Variants in TP53BP1 observed in about 807,000 individuals in gnomAD.
TP53BP1 encodes TP53-binding protein 1.
TP53BP1 carries 61 observed loss-of-function variants against 200.8 expected under a neutral mutation model. The ratio of observed to expected loss-of-function variants is 0.30; its 90% confidence interval spans 0.25 to 0.38. The LOEUF is 0.38. TP53BP1 is among the 10% of genes least tolerant of loss of function. The probability of loss-of-function intolerance (pLI) is 1.00; values close to 1 mark genes in which losing one functional copy is unlikely to be tolerated. For missense variants in TP53BP1, 2,144 were observed against 2,371.9 expected (o/e 0.90, Z 2.00); for synonymous variants, 822 against 844.3 (o/e 0.97, Z 0.46).
intron 16 of TP53BP1, among the ~76,000 whole-genome samples, chr15:43,434,791 G>A (rs957349761): frequency 6.6e-6 from 1 of 152,184 alleles, no homozygotes; most frequent in South Asian, 2.1e-4. Context: ...GCAGCCCAAA[G>A]AGACTAAGAC....
intron 27 of TP53BP1, 27 bp from the exon 28 acceptor site, chr15:43,407,597 A>G (rs112801645): frequency 2.5e-6 from 4 of 1,592,530 alleles, no homozygotes; most frequent in Non-Finnish European, 2.6e-6. Flanking sequence ...AAAGTGAAGA[A>G]GGAAAGGACA....
chr15:43,480,806 C>A, intron 5 of TP53BP1, 89 bp downstream of exon 5: 1 of 1,414,748 alleles, frequency 7.1e-7, no homozygotes, highest in South Asian at 1.3e-5. Context: ...AATCTGCAAC[C>A]TAATAAAGAG....
Position 43,475,685 on chromosome 15 carries a change from T to C in TP53BP1, c.965A>G (p.Asp322Gly), listed in dbSNP as rs757544095. The C allele has an allele frequency of 5.6e-6, 9 of 1,613,614 alleles. No individual in the cohort carries two copies. The East Asian group carries it at 1.8e-4, about 32-fold the overall frequency. ...FDQSNKTVSSDGCSTPSREEG... is the reference protein window; with the variant it reads ...FDQSNKTVSSGGCSTPSREEG... ...CTCCCTTGAAGGAGTAGAGCAACCA[T>C]CAGAAGATACTGAAAAAAAGAAATT... Residue 322 changes from aspartate to glycine, a missense_variant, in exon 9 of 28, where the codon GAT (aspartate) becomes GGT (glycine). Physicochemically the swap from Asp to Gly is moderately conservative, Grantham distance 94. Coordinates refer to ENST00000382044, the MANE Select transcript of TP53BP1 (RefSeq NM_001141980.3).
intron 16 of TP53BP1, among the ~76,000 whole-genome samples, chr15:43,435,090 G>T (rs990288592): frequency 1.3e-5 from 2 of 151,642 alleles, no homozygotes; most frequent in African/African-American, 4.9e-5. Flanking sequence ...GCAAAACCCC[G>T]TCTCTACTAA....
chr15:43,408,644 T>C, intron 26 of TP53BP1: 2 of 478,444 alleles, frequency 4.2e-6, no homozygotes, highest in Non-Finnish European at 7.6e-6. Flanking sequence ...TGCTTAAAAC[T>C]TAGTTCTCTG....
At chr15:43,413,457 A>C (rs1198938699) in intron 23 of TP53BP1, 123 bp from the exon 24 acceptor site, 1 of 741,422 alleles carries the variant, frequency 1.3e-6, no homozygotes, top group Non-Finnish European at 2.2e-6. Flanking sequence ...TGATGAACTT[A>C]TCTGAGCCAG....
At chr15:43,446,637 C>T in intron 13 of TP53BP1, 47 bp from the exon 14 acceptor site, 1 of 1,594,020 alleles carries the variant, frequency 6.3e-7, no homozygotes, top group Non-Finnish European at 8.6e-7. Flanking sequence ...CACTAAAATA[C>T]AAACACAAAA....
At chr15:43,509,137 G>A (rs1414496655) in intron 1 of TP53BP1, among the ~76,000 whole-genome samples, 1 of 134,212 alleles carries the variant, frequency 7.5e-6, no homozygotes, top group African/African-American at 2.8e-5. Flanking sequence ...GATTGCAGAA[G>A]AGGAGGCCTG....
intron 26 of TP53BP1, chr15:43,408,662 AG>A (rs2045008582): frequency 2.0e-6 from 1 of 510,490 alleles, no homozygotes; most frequent in African/African-American, 1.9e-5. Context: ...CTGACTTTAC[AG>A]GTTGAGAATA....
chr15:43,426,741 G>T (rs375390035), intron 18 of TP53BP1, among the ~76,000 whole-genome samples: 1 of 151,522 alleles, frequency 6.6e-6, no homozygotes, highest in East Asian at 1.9e-4. Context: ...TGCCGGGCGC[G>T]GTGGCTCACA....
chr15:43,412,069 G>A (rs1243082361), intron 24 of TP53BP1, among the ~76,000 whole-genome samples: 1 of 152,140 alleles, frequency 6.6e-6, no homozygotes, highest in Non-Finnish European at 1.5e-5. Context: ...TGTTTGACAA[G>A]CTAGGTGTTG....
intron 12 of TP53BP1, among the ~76,000 whole-genome samples, chr15:43,452,403 A>G (rs1489967805): frequency 2.0e-5 from 3 of 152,112 alleles, no homozygotes; most frequent in Admixed American, 2.0e-4. Flanking sequence ...CTGTCTCTAC[A>G]AAAAATCAGC....
intron 11 of TP53BP1, among the ~76,000 whole-genome samples, chr15:43,468,883 A>C (rs1443426887): frequency 6.6e-6 from 1 of 152,212 alleles, no homozygotes; most frequent in Non-Finnish European, 1.5e-5. Flanking sequence ...CCAAATTCTA[A>C]TGAACTGCAT....
chr15:43,427,389 T>C (rs1485963060), intron 18 of TP53BP1, among the ~76,000 whole-genome samples: 1 of 152,216 alleles, frequency 6.6e-6, no homozygotes, highest in Non-Finnish European at 1.5e-5. Context: ...AAACTCCATT[T>C]GAGTTTCTAA....
intron 11 of TP53BP1, among the ~76,000 whole-genome samples, chr15:43,460,412 C>T (rs977516877): frequency 3.3e-5 from 5 of 152,146 alleles, no homozygotes; most frequent in Non-Finnish European, 7.3e-5. Context: ...AGGTGCGCAC[C>T]ACCAGAGCCA....
chr15:43,452,208 T>C (rs1388362391), intron 12 of TP53BP1, among the ~76,000 whole-genome samples: 2 of 152,090 alleles, frequency 1.3e-5, no homozygotes, highest in Non-Finnish European at 1.5e-5. Context: ...CAAAATAATA[T>C]TTTTCTGTTC....
At chr15:43,442,184 C>T (rs1170541022) in intron 14 of TP53BP1, among the ~76,000 whole-genome samples, 2 of 147,940 alleles carry the variant, frequency 1.4e-5, no homozygotes, top group Admixed American at 6.8e-5. Flanking sequence ...CTCCCGGGTT[C>T]ACGCCATTCT....
chr15:43,459,071 C>T (rs941283983), intron 11 of TP53BP1, among the ~76,000 whole-genome samples: 3 of 152,174 alleles, frequency 2.0e-5, no homozygotes, highest in Admixed American at 6.5e-5. Context: ...GGCACAGTGG[C>T]TCACATTTGT....
chr15:43,443,565 C>T (rs2256764), intron 14 of TP53BP1, among the ~76,000 whole-genome samples: 31,759 of 151,938 alleles, frequency 0.21, 5,191 homozygotes, highest in African/African-American at 0.45. Flanking sequence ...GGGTGGTGGG[C>T]GTGCCTGTAG....
Sources: allele counts gnomAD v4.1 joint callset (sites outside exome capture counted in the v4.1 genomes callset), GRCh38; gene constraint gnomAD v4.1.1; transcripts MANE v1.5; gene names NCBI Gene and HGNC (gene_info 2026-07-23, HGNC 2026-07-21).